ACTN2: variants seen among roughly 807,000 people sequenced by gnomAD.
The protein encoded by ACTN2 is alpha-actinin-2.
Under a neutral mutation model 113.8 loss-of-function variants are expected in ACTN2, and 39 were observed. That is an observed-to-expected ratio of 0.34 (90% CI 0.27 to 0.45). The LOEUF (loss-of-function observed/expected upper bound fraction) is 0.45. Among genes scored for constraint, ACTN2 ranks in the 20% least tolerant of loss-of-function variants. The pLI is 1.00. For synonymous variants in ACTN2, 429 were observed against 444.1 expected (o/e 0.97, Z 0.43); for missense variants, 992 against 1,177.9 (o/e 0.84, Z 2.31).
At chr1:236,755,987 G>A (rs1659547275) in intron 17 of ACTN2, among the ~76,000 whole-genome samples, 1 of 36,636 alleles carries the variant, frequency 2.7e-5, no homozygotes. Context: ...ATACTGCAGA[G>A]GGCCCGCTGC....
intron 1 of ACTN2, among the ~76,000 whole-genome samples, chr1:236,691,512 G>A (rs766291178): frequency 1.3e-5 from 2 of 151,666 alleles, no homozygotes; most frequent in Non-Finnish European, 2.9e-5. Context: ...AGGTGTGGTG[G>A]TGCACAGCTG....
intron 3 of ACTN2, among the ~76,000 whole-genome samples, chr1:236,719,292 A>G (rs546541463): frequency 2.0e-5 from 3 of 152,260 alleles, no homozygotes; most frequent in African/African-American, 7.2e-5. Context: ...CATCCCAATG[A>G]CTCTTAATAA....
intron 12 of ACTN2, among the ~76,000 whole-genome samples, chr1:236,745,078 A>G (rs971518039): frequency 6.6e-5 from 10 of 152,134 alleles, no homozygotes; most frequent in African/African-American, 2.2e-4. Flanking sequence ...AGGCGGCCTC[A>G]CCCAGGCCAG....
At position 236,763,940 on chromosome 1, in the gene ACTN2, C is replaced by A. The variant is rs527375632; in HGVS notation, c.*1321C>A. ...GCTTGTAGAGAATAAAGCAGGAATT[C>A]TTTTTATATCTGAGTCCTTAATGAT... On this transcript the variant is annotated 3_prime_UTR_variant, in exon 21 of 21. Coordinates refer to ENST00000366578, the MANE Select transcript of ACTN2 (RefSeq NM_001103.4). The A allele has an allele frequency of 5.3e-5, 8 of 152,254 alleles. No individual in the cohort carries two copies. Among genetic ancestry groups the A allele is most frequent in the Admixed American group, 1.3e-4 (2 of 15,298 alleles). 9.4% of individuals were successfully genotyped at this position (152,254 alleles called of 1,614,324 possible). A position where few individuals can be genotyped will look rare whatever the true frequency, so the allele number is the denominator to read the frequency against.
Position 236,686,694 on chromosome 1 carries a change from C to T in ACTN2, c.21C>T (p.Gly7=), listed in dbSNP as rs1387972965. Residue 7 remains glycine (G), a synonymous_variant, in exon 1 of 21, where the codon GGC becomes GGT. Coordinates refer to ENST00000366578, the MANE Select transcript of ACTN2 (RefSeq NM_001103.4). ...GCGCCATGAACCAGATAGAGCCCGG[C>T]GTGCAGTACAACTACGTGTACGACG... MNQIEP[G]VQYNYVYDED... 6.4e-7 allele frequency: 1 copy of T among 1,564,740 alleles called. No homozygotes were observed. Among genetic ancestry groups the T allele is most frequent in the Admixed American group, 1.8e-5 (1 of 55,026 alleles).
intron 9 of ACTN2, among the ~76,000 whole-genome samples, chr1:236,738,849 G>C (rs979219724): frequency 2.6e-5 from 4 of 152,200 alleles, no homozygotes; most frequent in Non-Finnish European, 5.9e-5. Flanking sequence ...TGTGTAGTAA[G>C]TAATCTAATT....
chr1:236,761,243 GTGT>G, intron 20 of ACTN2, 70 bp downstream of exon 20: 1 of 1,587,556 alleles, frequency 6.3e-7, no homozygotes. Context: ...AAAGGCAACA[GTGT>G]TGTAAATAAA....
Position 236,744,724 on chromosome 1 carries a change from G to A in ACTN2, c.1354G>A (p.Ala452Thr). The change falls in exon 12 of 21, where the codon GCA becomes ACA. Residue 452 changes from alanine to threonine, a missense_variant. Ala to Thr is a moderately conservative substitution (Grantham distance 58). This residue lies in a region of ACTN2 where 736 missense variants were observed against 815.4 expected (regional missense o/e 0.90). Coordinates refer to ENST00000366578, the MANE Select transcript of ACTN2 (RefSeq NM_001103.4). ...GCACGAGGCGTTCGAGAGCGACCTGGCAGCGCACCAGGACCGCGTGGAGCA... is the reference window on the plus strand; with the variant it reads ...GCACGAGGCGTTCGAGAGCGACCTGACAGCGCACCAGGACCGCGTGGAGCA... ...RKHEAFESDLAAHQDRVEQIA... is the reference protein window; with the variant it reads ...RKHEAFESDLTAHQDRVEQIA... 6.2e-7 allele frequency: 1 copy of A among 1,614,200 alleles called. No individual in the cohort carries two copies. Among genetic ancestry groups the A allele is most frequent in the Non-Finnish European group, 8.5e-7 (1 of 1,180,036 alleles).
chr1:236,708,026 T>C (rs924596328), intron 1 of ACTN2, among the ~76,000 whole-genome samples: 2 of 152,012 alleles, frequency 1.3e-5, no homozygotes, highest in Non-Finnish European at 2.9e-5. Context: ...AATGCATTTC[T>C]TGGGGGAGGG....
chr1:236,718,008 G>T (rs775706137), intron 2 of ACTN2, 36 bp downstream of exon 2: 2 of 1,488,576 alleles, frequency 1.3e-6, no homozygotes, highest in South Asian at 2.3e-5. Context: ...GCTTTCATGT[G>T]TTATCAGTAG....
At chr1:236,736,704 C>A in intron 8 of ACTN2, 1 of 1,367,182 alleles carries the variant, frequency 7.3e-7, no homozygotes, top group African/African-American at 1.4e-5. Context: ...TTATTTTTGC[C>A]TTGATTTCCA....
chr1:236,689,854 C>A (rs1003448251), intron 1 of ACTN2, among the ~76,000 whole-genome samples: 7 of 152,212 alleles, frequency 4.6e-5, no homozygotes, highest in Non-Finnish European at 1.0e-4. Flanking sequence ...TGTACCTCAA[C>A]TGAAGCCTAA....
chr1:236,698,895 ATCT>A (rs1186466520), intron 1 of ACTN2, among the ~76,000 whole-genome samples: 1 of 152,174 alleles, frequency 6.6e-6, no homozygotes, highest in Non-Finnish European at 1.5e-5. Flanking sequence ...GGTGAATATT[ATCT>A]TCATTATTTT....
intron 15 of ACTN2, 88 bp from the exon 16 acceptor site, chr1:236,753,859 C>A: frequency 1.5e-6 from 2 of 1,321,252 alleles, no homozygotes; most frequent in Non-Finnish European, 1.1e-6. Context: ...ACTCCCACCC[C>A]CACCCCTTGG....
intron 1 of ACTN2, among the ~76,000 whole-genome samples, chr1:236,715,155 CTT>C (rs5781921): frequency 0.038 from 5,458 of 143,142 alleles, 236 homozygotes; most frequent in Admixed American, 0.089. Flanking sequence ...TTTCTTTTTC[CTT>C]TTTTTTTTTT....
intron 4 of ACTN2, among the ~76,000 whole-genome samples, chr1:236,720,640 C>T (rs1658358178): frequency 6.6e-6 from 1 of 152,060 alleles, no homozygotes; most frequent in African/African-American, 2.4e-5. Context: ...TCTTTTTAAA[C>T]AAGACCTCTA....
chr1:236,733,419 G>A (rs905709852), intron 7 of ACTN2, among the ~76,000 whole-genome samples: 1 of 152,110 alleles, frequency 6.6e-6, no homozygotes, highest in African/African-American at 2.4e-5. Flanking sequence ...TCCTGATCTG[G>A]GCAGATGTCC....
At chr1:236,718,260 C>T (rs948321771) in intron 2 of ACTN2, among the ~76,000 whole-genome samples, 1 of 152,180 alleles carries the variant, frequency 6.6e-6, no homozygotes, top group Non-Finnish European at 1.5e-5. Flanking sequence ...TCCATGCTGC[C>T]CTTTCTACTC....
At chr1:236,686,855 C>G in intron 1 of ACTN2, 56 bp downstream of exon 1, 2 of 1,316,292 alleles carry the variant, frequency 1.5e-6, no homozygotes, top group Middle Eastern at 5.9e-4. Flanking sequence ...CCCCGCGGGG[C>G]TCCCGTGCGC....
Sources: allele counts gnomAD v4.1 joint callset (sites outside exome capture counted in the v4.1 genomes callset), GRCh38; gene constraint gnomAD v4.1.1; regional missense constraint gnomAD v4.1.1; transcripts MANE v1.5; gene names NCBI Gene and HGNC (gene_info 2026-07-23, HGNC 2026-07-21).